HMMR: variants seen among roughly 807,000 people sequenced by gnomAD.
The protein encoded by HMMR is hyaluronan mediated motility receptor, also known as intracellular hyaluronic acid-binding protein.
In HMMR, 108 loss-of-function variants were observed where a neutral mutation model predicts 101.0. That is an observed-to-expected ratio of 1.07 (90% confidence interval 0.92 to 1.25). The LOEUF (loss-of-function observed/expected upper bound fraction) is 1.25. HMMR is among the 50% of genes most tolerant of loss of function. The pLI, the probability that HMMR is intolerant of heterozygous loss-of-function variation, is 0.00. For synonymous variants in HMMR, 296 were observed against 276.4 expected, an observed-to-expected ratio of 1.07 and a Z score of -0.70; for missense variants, 813 against 788.7, an observed-to-expected ratio of 1.03 and a Z score of -0.37.
At chr5:163,471,560 T>TTGATATGA (rs1310680003) in intron 7 of HMMR, 97 bp downstream of exon 7, 1 of 747,256 alleles carries the variant, frequency 1.3e-6, no homozygotes, top group African/African-American at 1.8e-5. Flanking sequence ...CAACCTTCTG[T>TTGATATGA]TAGTACTTAT....
intron 7 of HMMR, among the ~76,000 whole-genome samples, 153 bp from the exon 8 acceptor site, chr5:163,473,026 A>T (rs1758945094): frequency 1.3e-5 from 2 of 152,204 alleles, no homozygotes; most frequent in Non-Finnish European, 2.9e-5. Flanking sequence ...TTTGATGTAA[A>T]TTGTGAATTT....
intron 4 of HMMR, among the ~76,000 whole-genome samples, chr5:163,469,427 A>G (rs894337536): frequency 6.6e-6 from 1 of 152,118 alleles, no homozygotes; most frequent in Non-Finnish European, 1.5e-5. Context: ...ACTTATGGCA[A>G]CTAAAGTTCT....
chr5:163,490,685 T>C (rs752250873), intron 17 of HMMR, 133 bp downstream of exon 17: 3 of 688,800 alleles, frequency 4.4e-6, no homozygotes, highest in Middle Eastern at 3.8e-4. Flanking sequence ...TTACTGAGAT[T>C]GTTGTGTACA....
chr5:163,469,641 A>T lies in HMMR; in HGVS notation c.274A>T (p.Ile92Phe), dbSNP rs200429880. 9.3e-6 allele frequency: 15 copies of T among 1,607,046 alleles called. 1 individual carries two copies. The African/African-American group carries it at 1.2e-4, about 13-fold the overall frequency. ...TTATTATCACCTTGTTTTTGTCCAG[A>T]TTCGTGTTCTTCTACAGGAACGTGG... Reference protein sequence around the residue: ...DKDLKILEKEIRVLLQERGAQ... With the variant: ...DKDLKILEKEFRVLLQERGAQ... The change falls in exon 5 of 18, where the codon ATT (isoleucine) becomes TTT (phenylalanine). Residue 92 changes from isoleucine (I) to phenylalanine (F), a missense_variant and splice_region_variant. Transcript: ENST00000393915.
At position 163,473,509 on chromosome 5, in the gene HMMR, C is replaced by G. The variant is rs186611419; in HGVS notation, c.856C>G (p.Gln286Glu). The G allele has an allele frequency of 1.2e-4, 184 of 1,588,738 alleles. 4 individuals carry two copies. In the Admixed American group the frequency reaches 3.2e-3, roughly 28 times the overall value. Reference protein sequence around the residue: ...LEENIVILSKQVEDLNVKCQL... With the variant: ...LEENIVILSKEVEDLNVKCQL... ...GGAGAATATTGTTATATTATCTAAA[C>G]AAGTAGAAGATCTAAATGTGAAATG... Residue 286 changes from glutamine (Q) to glutamate (E), a missense_variant, in exon 9 of 18, where the codon CAA becomes GAA. Physicochemically the swap from Gln to Glu is conservative, Grantham distance 29. Transcript: ENST00000393915.
intron 7 of HMMR, 127 bp from the exon 8 acceptor site, chr5:163,473,052 A>G: frequency 3.8e-6 from 2 of 524,550 alleles, no homozygotes; most frequent in Non-Finnish European, 3.5e-6. Flanking sequence ...ATTACATAAA[A>G]TAATAGTTAA....
In HMMR at chr5:163,468,868, T is replaced by C. The variant is rs1376834756; in HGVS notation, c.274-773T>C. 3.9e-5 allele frequency among the ~76,000 whole-genome samples: 6 copies of C among 152,098 alleles called. 1 individual carries two copies. Among genetic ancestry groups the C allele is most frequent in the Admixed American group, 3.3e-4 (5 of 15,274 alleles). On this transcript the variant is annotated intron_variant, in intron 4 of 17. Transcript: ENST00000393915. ...CTTCCACATTTTCTGTTGACAAATATTGGTTTGGGTTTTTTTTTGTTTTTT... is the reference window on the plus strand; with the variant it reads ...CTTCCACATTTTCTGTTGACAAATACTGGTTTGGGTTTTTTTTTGTTTTTT...
At chr5:163,482,477 T>C (rs1384215626) in intron 12 of HMMR, among the ~76,000 whole-genome samples, 165 bp from the exon 13 acceptor site, 1 of 152,210 alleles carries the variant, frequency 6.6e-6, no homozygotes, top group Non-Finnish European at 1.5e-5. Flanking sequence ...TGTAAACTCA[T>C]TAGTACTTGC....
chr5:163,472,607 G>A (rs1285772324), intron 7 of HMMR, among the ~76,000 whole-genome samples: 1 of 152,110 alleles, frequency 6.6e-6, no homozygotes, highest in Non-Finnish European at 1.5e-5. Context: ...AATGTTGTCA[G>A]TCTGTTTGAT....
In HMMR at chr5:163,478,639, T is replaced by TAATTGTAG. The variant is rs774789190; in HGVS notation, c.1269-44_1269-37dup. 9 of 1,078,624 alleles carry TAATTGTAG rather than the reference T, an allele frequency of 8.3e-6. No homozygotes were observed. In the South Asian group the frequency reaches 1.1e-4, roughly 13 times the overall value. 66.8% of individuals were successfully genotyped at this position (1,078,624 alleles called of 1,614,324 possible). On this transcript the variant is annotated intron_variant, in intron 11 of 17. Transcript: ENST00000393915. ...AATACTATTTTCTTTCTTAGGGTAG[T>TAATTGTAG]AATTGTAGGTGGCATTTTATCTTTC...
At chr5:163,490,818 C>T (rs1358848766) in intron 17 of HMMR, among the ~76,000 whole-genome samples, 1 of 152,210 alleles carries the variant, frequency 6.6e-6, no homozygotes, top group Non-Finnish European at 1.5e-5. Flanking sequence ...TGTCCACACA[C>T]CCCAAATTAC....
At chr5:163,472,001 T>A (rs1758907177) in intron 7 of HMMR, among the ~76,000 whole-genome samples, 1 of 151,948 alleles carries the variant, frequency 6.6e-6, no homozygotes, top group South Asian at 2.1e-4. Flanking sequence ...ACTTTCTCAC[T>A]TACATCATCA....
intron 8 of HMMR, 34 bp downstream of exon 8, chr5:163,473,287 T>C (rs1009245798): frequency 6.8e-7 from 1 of 1,477,746 alleles, no homozygotes; most frequent in Admixed American, 1.8e-5. Flanking sequence ...TTGAACCTTA[T>C]TTTTTTAATA....
rs549343728 is a variant in HMMR at position 163,474,101 on chromosome 5, G to A, written c.949G>A (p.Ala317Thr). The A allele has an allele frequency of 1.2e-6, 2 of 1,611,586 alleles. No homozygotes were observed. Among genetic ancestry groups the A allele is most frequent in the South Asian group, 2.2e-5 (2 of 90,704 alleles). ...RNREHNENLN[A>T]EMQNLKQKFI... The stretch of plus-strand genomic sequence containing the variant: ...TAGAGAACACAACGAAAATCTAAAT[G>A]CAGAGATGCAAAACTTAAAACAGAA... The change falls in exon 10 of 18, where the codon GCA becomes ACA. Residue 317 changes from alanine to threonine, a missense_variant. Ala to Thr is a moderately conservative substitution (Grantham distance 58). Transcript: ENST00000393915.
At chr5:163,477,431 A>G (rs1759105031) in intron 11 of HMMR, among the ~76,000 whole-genome samples, 1 of 152,114 alleles carries the variant, frequency 6.6e-6, no homozygotes, top group African/African-American at 2.4e-5. Context: ...TTTGTTATTA[A>G]TCTTTTCTGT....
chr5:163,481,955 G>A lies in HMMR; in HGVS notation c.1386-687G>A, dbSNP rs185909442. On this transcript the variant is annotated intron_variant, in intron 12 of 17. Coordinates refer to ENST00000393915, the MANE Select transcript of HMMR (RefSeq NM_001142556.2). ...TTTGAGTCGGAGTTTCGCTCTTGTT[G>A]CCCAGGCTGGAGTGCAATGGCACTA... Among the ~76,000 whole-genome samples the A allele has an allele frequency of 3.9e-5, 6 of 151,976 alleles. No individual in the cohort carries two copies. In the East Asian group the frequency reaches 5.8e-4, roughly 15 times the overall value.
rs1300792907 is a variant in HMMR, at chr5:163,474,054, T to C, written c.905-3T>C. 10 of 1,605,740 alleles carry C rather than the reference T, an allele frequency of 6.2e-6. No homozygotes were observed. The highest frequency in any genetic ancestry group is 8.5e-6 in the Non-Finnish European group (10 of 1,176,242). ...AGTATTCTTGATGTTTTGCGTTTTC[T>C]AGAAGACCATGTCAACAGGAATAGA... On this transcript the variant is annotated splice_polypyrimidine_tract_variant and splice_region_variant and intron_variant, in intron 9 of 17. Transcript: ENST00000393915.
At chr5:163,469,161 G>A (rs1016425151) in intron 4 of HMMR, among the ~76,000 whole-genome samples, 33 of 151,782 alleles carry the variant, frequency 2.2e-4, no homozygotes, top group African/African-American at 7.5e-4. Context: ...TCAGGAGATC[G>A]AGACCATCCT....
rs568662551 is a variant in HMMR at position 163,463,913 on chromosome 5, C to T, written c.104C>T (p.Pro35Leu). 6.0e-5 allele frequency: 88 copies of T among 1,474,316 alleles called. 1 individual carries two copies. The East Asian group carries it at 1.1e-3, about 19-fold the overall frequency. The allele number at this position is 1,474,316 out of a possible 1,614,324, so 91.3% of individuals were successfully genotyped here. The change falls in exon 2 of 18, where the codon CCA (proline) becomes CTA (leucine). Residue 35 changes from proline to leucine, a missense_variant. Pro to Leu is a moderately conservative substitution (Grantham distance 98, BLOSUM62 -3). Transcript: ENST00000393915. The stretch of plus-strand genomic sequence containing the variant: ...AAAACTTTAGAAGTATTGAAAGGAC[C>T]AGTATCCTTTCAGAAATCACAAAGA... ...DVKTLEVLKG[P>L]VSFQKSQRFK...
Sources: allele counts gnomAD v4.1 joint callset (sites outside exome capture counted in the v4.1 genomes callset), GRCh38; gene constraint gnomAD v4.1.1; transcripts MANE v1.5; gene names NCBI Gene and HGNC (gene_info 2026-07-23, HGNC 2026-07-21).